Variants in ELAVL1 observed in about 807,000 individuals in gnomAD.
ELAVL1 encodes ELAV like RNA binding protein 1, also known as ELAV-like protein 1.
A neutral mutation model predicts 28.4 loss-of-function variants in ELAVL1; 1 was observed. That is an observed-to-expected ratio of 0.04 (90% CI 0.01 to 0.17). The LOEUF is 0.17. ELAVL1 is among the 10% of genes least tolerant of loss of function. ELAVL1 has a pLI of 1.00. For synonymous variants in ELAVL1, 174 were observed against 183.5 expected, an observed-to-expected ratio of 0.95 and a Z score of 0.42; for missense variants, 157 against 447.2, an observed-to-expected ratio of 0.35 and a Z score of 5.85.
Position 7,963,830 on chromosome 19 carries a change from C to G in ELAVL1, c.657-23G>C, listed in dbSNP as rs1426416405. On this transcript the variant is annotated intron_variant, in intron 5 of 5. Coordinates refer to ENST00000407627, the MANE Select transcript of ELAVL1 (RefSeq NM_001419.3). The surrounding 1 kb of genome is among the most constrained non-coding windows in gnomAD (Gnocchi z 4.5). ...AACCTGGCAGACAGAGAGCAAGCGT[C>G]AGGCCACGGTCAGCGCAGGCGGCCT... 4.4e-6 allele frequency: 7 copies of G among 1,608,384 alleles called. No individual in the cohort carries two copies. The highest frequency in any genetic ancestry group is 6.0e-6 in the Non-Finnish European group (7 of 1,176,434).
rs1195899579 is a variant in ELAVL1 at position 7,979,008 on chromosome 19, A to G, written c.276+2075T>C. ...ATCCGAAGTCCCTCAGTATCAACGT[A>G]TCTGGCCCAGCACCACACTGGCCAG... On this transcript the variant is annotated intron_variant, in intron 3 of 5. Coordinates refer to ENST00000407627, the MANE Select transcript of ELAVL1 (RefSeq NM_001419.3). This position sits in a 1 kb window ranked among gnomAD's most constrained non-coding sequence, Gnocchi z 5.4. Among the ~76,000 whole-genome samples the G allele has an allele frequency of 6.6e-6, 1 of 152,198 alleles. No homozygotes were observed. The highest frequency in any genetic ancestry group is 2.4e-5 in the African/African-American group (1 of 41,458).
At chr19:7,970,547 C>T (rs1482180929) in intron 4 of ELAVL1, among the ~76,000 whole-genome samples, 7 of 152,088 alleles carry the variant, frequency 4.6e-5, no homozygotes, top group Admixed American at 2.6e-4. Flanking sequence ...TCCCAAAATG[C>T]TGGGATTACA....
chr19:8,001,676 G>A (rs2081068537), intron 1 of ELAVL1, among the ~76,000 whole-genome samples: 1 of 151,576 alleles, frequency 6.6e-6, no homozygotes, highest in Non-Finnish European at 1.5e-5. Context: ...ATGTTGCCCA[G>A]GCTGGTCTTG....
intron 3 of ELAVL1, among the ~76,000 whole-genome samples, chr19:7,978,150 T>C (rs947299083): frequency 1.3e-5 from 2 of 152,252 alleles, no homozygotes; most frequent in African/African-American, 4.8e-5. Flanking sequence ...GCAGAGGGCT[T>C]GGCCCTAGCC....
chr19:7,988,311 C>G (rs973681178), intron 2 of ELAVL1, among the ~76,000 whole-genome samples: 2 of 152,080 alleles, frequency 1.3e-5, no homozygotes, highest in African/African-American at 4.8e-5. Flanking sequence ...GCCTTCTGGT[C>G]AAAAAGGAGG....
chr19:7,968,447 G>A (rs1034950950), intron 4 of ELAVL1, among the ~76,000 whole-genome samples: 8 of 152,202 alleles, frequency 5.3e-5, no homozygotes, highest in Non-Finnish European at 1.2e-4. Context: ...CACCCCTCCC[G>A]TGGGCCCCAA....
chr19:7,993,265 T>C (rs1261218853), intron 1 of ELAVL1, among the ~76,000 whole-genome samples: 1 of 152,184 alleles, frequency 6.6e-6, no homozygotes, highest in African/African-American at 2.4e-5. Context: ...TTTAAGATCC[T>C]GTAAAAAAGC....
At chr19:7,973,285 C>A (rs777572996) in intron 4 of ELAVL1, 57 of 244,594 alleles carry the variant, frequency 2.3e-4, no homozygotes, top group Non-Finnish European at 3.6e-4. Context: ...CGCTGGAGTG[C>A]AGTGGCAAGA....
chr19:7,985,926 A>T (rs965822654), intron 2 of ELAVL1, among the ~76,000 whole-genome samples: 3 of 152,108 alleles, frequency 2.0e-5, no homozygotes, highest in African/African-American at 7.2e-5. Context: ...TGGCCCAGGG[A>T]CTGTACCCTG....
rs576719241 is a variant in ELAVL1, at chr19:7,967,576, C to T, written c.645G>A (p.Ala215=). The T allele has an allele frequency of 1.5e-5, 25 of 1,613,800 alleles. No individual in the cohort carries two copies. Among genetic ancestry groups the T allele is most frequent in the African/African-American group, 1.1e-4 (8 of 75,036 alleles). Reference sequence around the variant, plus strand: ...CCCTCCCGACCCACCTGAATCTCTGCGCCTGGTGGTGAACGGGGCCTCCGA... The same window carrying T: ...CCCTCCCGACCCACCTGAATCTCTGTGCCTGGTGGTGAACGGGGCCTCCGA... ...RRFGGPVHHQ[A]QRFRFSPMGV... Residue 215 remains alanine, a synonymous_variant, in exon 5 of 6, where the codon GCG becomes GCA. Transcript: ENST00000407627.
chr19:7,961,162 G>C lies in ELAVL1; in HGVS notation c.*2321C>G, dbSNP rs1352062042. The C allele has an allele frequency of 6.6e-6, 1 of 152,252 alleles. No homozygotes were observed. Among genetic ancestry groups the C allele is most frequent in the Non-Finnish European group, 1.5e-5 (1 of 68,044 alleles). 9.4% of individuals were successfully genotyped at this position (152,252 alleles called of 1,614,324 possible). ...ATAATTGATAGGATTCAGATAAAAGGGGGCGAGGAAAGAAGCTGAGGTGCT... is the reference window on the plus strand; with the variant it reads ...ATAATTGATAGGATTCAGATAAAAGCGGGCGAGGAAAGAAGCTGAGGTGCT... On this transcript the variant is annotated 3_prime_UTR_variant, in exon 6 of 6. Transcript: ENST00000407627.
chr19:7,966,827 C>T lies in ELAVL1; in HGVS notation c.656+738G>A, dbSNP rs540585493. On this transcript the variant is annotated intron_variant, in intron 5 of 5. Transcript: ENST00000407627. The stretch of plus-strand genomic sequence containing the variant: ...TAGGAACAGGGGTCTCACTTTGTTG[C>T]CCAGGCTGCTCAAACTCGGGGCTTC... 4.4e-4 allele frequency among the ~76,000 whole-genome samples: 67 copies of T among 152,168 alleles called. 4 individuals carry two copies. The South Asian group carries it at 0.014, about 32-fold the overall frequency.
intron 5 of ELAVL1, among the ~76,000 whole-genome samples, chr19:7,965,335 C>T (rs141548975): frequency 1.1e-3 from 172 of 152,326 alleles, no homozygotes; most frequent in African/African-American, 3.8e-3. Flanking sequence ...TTTGGCCTCC[C>T]AAAGCGTTGG....
At chr19:7,986,635 G>T (rs1437604579) in intron 2 of ELAVL1, among the ~76,000 whole-genome samples, 1 of 152,236 alleles carries the variant, frequency 6.6e-6, no homozygotes, top group Non-Finnish European at 1.5e-5. Context: ...CGCTTCACCG[G>T]CAGGAAGACT....
At chr19:8,002,095 C>A in intron 1 of ELAVL1, 1 of 1,289,380 alleles carries the variant, frequency 7.8e-7, no homozygotes, top group Non-Finnish European at 1.0e-6. Flanking sequence ...GACACCTGAG[C>A]ACTCCTGCCA....
intron 2 of ELAVL1, among the ~76,000 whole-genome samples, chr19:7,985,499 G>C (rs2145217174): frequency 6.6e-6 from 1 of 152,344 alleles, no homozygotes; most frequent in African/African-American, 2.4e-5. Flanking sequence ...TGCTCCTCCT[G>C]CCCACCAGTG....
intron 2 of ELAVL1, among the ~76,000 whole-genome samples, chr19:7,990,236 G>T (rs1985714514): frequency 6.6e-6 from 1 of 152,060 alleles, no homozygotes; most frequent in African/African-American, 2.4e-5. Flanking sequence ...TGGCCAGGCT[G>T]GTCTCGAACT....
intron 1 of ELAVL1, among the ~76,000 whole-genome samples, chr19:8,002,802 G>A (rs1480145686): frequency 6.6e-6 from 1 of 152,194 alleles, no homozygotes; most frequent in Non-Finnish European, 1.5e-5. Flanking sequence ...CAGGCAGGGA[G>A]GGTTAGAGTT....
intron 3 of ELAVL1, among the ~76,000 whole-genome samples, chr19:7,975,016 A>T (rs1452858772): frequency 6.6e-6 from 1 of 151,996 alleles, no homozygotes; most frequent in Admixed American, 6.5e-5. Context: ...TAGCGGTGGG[A>T]ATCGAGGGAG....
Sources: allele counts gnomAD v4.1 joint callset (sites outside exome capture counted in the v4.1 genomes callset), GRCh38; gene constraint gnomAD v4.1.1; non-coding constraint Gnocchi (gnomAD v3.1); transcripts MANE v1.5; gene names NCBI Gene and HGNC (gene_info 2026-07-23, HGNC 2026-07-21).